The following PLCL2 variants were observed in gnomAD, a reference collection of about 807,000 sequenced individuals.
The protein encoded by PLCL2 is inactive phospholipase C-like protein 2.
PLCL2 carries 4 observed loss-of-function variants against 79.6 expected under a neutral mutation model. The ratio of observed to expected loss-of-function variants is 0.05; its 90% CI spans 0.02 to 0.11. PLCL2 has a LOEUF of 0.11. Among genes scored for constraint, PLCL2 ranks in the 10% least tolerant of loss-of-function variants. PLCL2 has a pLI of 1.00. For synonymous variants in PLCL2, 484 were observed against 457.7 expected (o/e 1.06, Z -0.73); for missense variants, 895 against 1,291.0 (o/e 0.69, Z 4.70).
chr3:17,055,352 A>T (rs1015905222), intron 4 of PLCL2, among the ~76,000 whole-genome samples: 1 of 152,168 alleles, frequency 6.6e-6, no homozygotes, highest in Admixed American at 6.6e-5. Context: ...TCTCATTTTA[A>T]TTCCCTCACT....
intron 1 of PLCL2, among the ~76,000 whole-genome samples, chr3:16,943,780 C>T (rs7639882): frequency 0.36 from 54,601 of 151,948 alleles, 10,599 homozygotes; most frequent in East Asian, 0.53. Flanking sequence ...ATTCCATAAT[C>T]TTTAAGCTAT....
intron 1 of PLCL2, among the ~76,000 whole-genome samples, chr3:16,895,726 A>G (rs1257070006): frequency 2.6e-5 from 4 of 152,236 alleles, no homozygotes; most frequent in African/African-American, 7.2e-5. Flanking sequence ...CCTATCTTAT[A>G]AAATAGCGTA....
chr3:16,939,299 T>A (rs1697619450), intron 1 of PLCL2, among the ~76,000 whole-genome samples: 1 of 152,234 alleles, frequency 6.6e-6, no homozygotes, highest in African/African-American at 2.4e-5. Context: ...AAATCTTTAG[T>A]CTGTGCATTA....
intron 3 of PLCL2, among the ~76,000 whole-genome samples, chr3:17,034,659 A>T (rs1450144375): frequency 6.6e-6 from 1 of 152,176 alleles, no homozygotes; most frequent in Middle Eastern, 3.2e-3. Context: ...CAGCATTTAA[A>T]ATTAGAAGTG....
At chr3:17,066,317 C>T (rs990596836) in intron 4 of PLCL2, among the ~76,000 whole-genome samples, 10 of 152,142 alleles carry the variant, frequency 6.6e-5, no homozygotes, top group Admixed American at 4.6e-4. Context: ...ATTAGCATAA[C>T]AGGAAGTAGG....
chr3:17,065,646 C>A (rs1389506973), intron 4 of PLCL2, among the ~76,000 whole-genome samples: 4 of 152,198 alleles, frequency 2.6e-5, no homozygotes, highest in Non-Finnish European at 5.9e-5. Flanking sequence ...GAAAAATCCC[C>A]CACTATTATT....
intron 3 of PLCL2, among the ~76,000 whole-genome samples, chr3:17,026,280 G>C (rs892543734): frequency 1.3e-5 from 2 of 152,162 alleles, no homozygotes; most frequent in East Asian, 3.8e-4. Flanking sequence ...TAAGAGTCAA[G>C]TTTAACTCTA....
At position 17,011,232 on chromosome 3, in the gene PLCL2, A is replaced by C. The variant is rs769805096; in HGVS notation, c.1886A>C (p.Gln629Pro). The C allele has an allele frequency of 6.2e-7, 1 of 1,614,248 alleles. No homozygotes were observed. The part of the protein sequence containing the change: ...SELVSICKSV[Q>P]FKEFQVSFQV... ...CTGGTCAGCATCTGCAAATCAGTTC[A>C]GTTCAAAGAATTTCAGGTGTCGTTT... Residue 629 changes from glutamine to proline, a missense_variant, in exon 2 of 6, where the codon CAG (glutamine) becomes CCG (proline). Around this residue, in one of 6 missense-constraint regions of PLCL2, gnomAD observed 242 missense variants for 399.5 expected, o/e 0.61. Coordinates refer to ENST00000615277, the MANE Select transcript of PLCL2 (RefSeq NM_001144382.2). This position sits in a 1 kb window ranked among gnomAD's most constrained non-coding sequence, Gnocchi z 7.9.
intron 1 of PLCL2, among the ~76,000 whole-genome samples, chr3:16,968,195 G>A (rs986255461): frequency 9.9e-5 from 15 of 151,938 alleles, no homozygotes; most frequent in Admixed American, 5.9e-4. Flanking sequence ...AGGTAATTTG[G>A]TGTCTCTAGC....
At chr3:17,031,397 C>T (rs1393026213) in intron 3 of PLCL2, among the ~76,000 whole-genome samples, 1 of 152,146 alleles carries the variant, frequency 6.6e-6, no homozygotes, top group African/African-American at 2.4e-5. Context: ...TTGCTAAATC[C>T]CTTCACCTAC....
Position 16,887,209 on chromosome 3 carries a change from T to C in PLCL2, c.327+1843T>C, listed in dbSNP as rs752707450. 4.6e-5 allele frequency among the ~76,000 whole-genome samples: 7 copies of C among 152,238 alleles called. No individual in the cohort carries two copies. Among genetic ancestry groups the C allele is most frequent in the Non-Finnish European group, 1.0e-4 (7 of 68,040 alleles). On this transcript the variant is annotated intron_variant, in intron 1 of 5. Coordinates refer to ENST00000615277, the MANE Select transcript of PLCL2 (RefSeq NM_001144382.2). This position sits in a 1 kb window ranked among gnomAD's most constrained non-coding sequence, Gnocchi z 4.1. The stretch of plus-strand genomic sequence containing the variant: ...ATTTTAGAAATGATATTGATACTTA[T>C]GTTGAATTCTGAAACTTTTAAGGAT...
intron 3 of PLCL2, among the ~76,000 whole-genome samples, chr3:17,021,926 C>T (rs1283742600): frequency 6.6e-6 from 1 of 152,110 alleles, no homozygotes; most frequent in African/African-American, 2.4e-5. Flanking sequence ...GGGTGCCATC[C>T]AGCCCTATTG....
intron 1 of PLCL2, among the ~76,000 whole-genome samples, chr3:16,935,192 A>G (rs1372295799): frequency 2.0e-5 from 3 of 152,120 alleles, no homozygotes; most frequent in Non-Finnish European, 4.4e-5. Context: ...CTTATCAACT[A>G]ATTATATTTC....
rs1477299125 is a variant in PLCL2 at position 16,979,257 on chromosome 3, C to T, written c.328-30417C>T. ...TCATGGCTATGTTCCCTTCATCCCCCAGGGTATTTTGCATATATGAACCCT... is the reference window on the plus strand; with the variant it reads ...TCATGGCTATGTTCCCTTCATCCCCTAGGGTATTTTGCATATATGAACCCT... On this transcript the variant is annotated intron_variant, in intron 1 of 5. Coordinates refer to ENST00000615277, the MANE Select transcript of PLCL2 (RefSeq NM_001144382.2). 5.9e-5 allele frequency among the ~76,000 whole-genome samples: 9 copies of T among 151,986 alleles called. No individual in the cohort carries two copies. In the East Asian group the frequency reaches 1.5e-3, roughly 26 times the overall value.
chr3:16,905,122 A>T (rs1696721308), intron 1 of PLCL2, among the ~76,000 whole-genome samples: 1 of 152,158 alleles, frequency 6.6e-6, no homozygotes. Context: ...TGACAGTCCC[A>T]TTAAAATGTG....
intron 4 of PLCL2, among the ~76,000 whole-genome samples, chr3:17,047,596 C>G (rs187588321): frequency 6.6e-6 from 1 of 152,328 alleles, no homozygotes; most frequent in East Asian, 1.9e-4. Flanking sequence ...TTTAATTACC[C>G]TTCATTTTAA....
intron 3 of PLCL2, among the ~76,000 whole-genome samples, chr3:17,019,179 T>A (rs2064418751): frequency 6.6e-6 from 1 of 152,230 alleles, no homozygotes; most frequent in Non-Finnish European, 1.5e-5. Flanking sequence ...AAGAGGAGGC[T>A]ATTGCAAGAT....
At chr3:17,040,698 G>A (rs528386007) in intron 3 of PLCL2, among the ~76,000 whole-genome samples, 1 of 152,230 alleles carries the variant, frequency 6.6e-6, no homozygotes, top group South Asian at 2.1e-4. Flanking sequence ...GGAAATTAGG[G>A]TTATGAGGTT....
At chr3:17,040,650 T>C (rs1258525365) in intron 3 of PLCL2, among the ~76,000 whole-genome samples, 1 of 152,156 alleles carries the variant, frequency 6.6e-6, no homozygotes, top group Non-Finnish European at 1.5e-5. Context: ...CCTCACATTA[T>C]GAGGTGTAAT....
Sources: allele counts gnomAD v4.1 joint callset (sites outside exome capture counted in the v4.1 genomes callset), GRCh38; gene constraint gnomAD v4.1.1; regional missense constraint gnomAD v4.1.1; non-coding constraint Gnocchi (gnomAD v3.1); transcripts MANE v1.5; gene names NCBI Gene and HGNC (gene_info 2026-07-23, HGNC 2026-07-21).